TRIM35: variants seen among roughly 807,000 people sequenced by gnomAD.
The protein encoded by TRIM35 is E3 ubiquitin-protein ligase TRIM35.
A neutral mutation model predicts 49.1 loss-of-function variants in TRIM35; 37 were observed. The observed-to-expected ratio is 0.75, with a 90% confidence interval of 0.58 to 0.99. The LOEUF is 0.99. TRIM35 is among the 50% of genes least tolerant of loss of function. The probability of loss-of-function intolerance (pLI) is 0.00; values close to 1 mark genes in which losing one functional copy is unlikely to be tolerated. For synonymous variants in TRIM35, 302 were observed against 289.3 expected (o/e 1.04, Z -0.45); for missense variants, 648 against 702.7 (o/e 0.92, Z 0.88).
chr8:27,291,092 T>G (rs1802443842), intron 3 of TRIM35, among the ~76,000 whole-genome samples: 1 of 136,232 alleles, frequency 7.3e-6, no homozygotes, highest in African/African-American at 2.8e-5. Flanking sequence ...GAAGTTGGAC[T>G]AACCCTTACT....
chr8:27,300,937 C>A (rs986813395), intron 1 of TRIM35, among the ~76,000 whole-genome samples: 8 of 152,144 alleles, frequency 5.3e-5, no homozygotes, highest in Admixed American at 2.6e-4. Flanking sequence ...GGTGTGCAGG[C>A]CCCAAAACAA....
In TRIM35 at chr8:27,287,747, G is replaced by A. The variant is rs1362379210; in HGVS notation, c.1285C>T (p.Arg429Cys). ...PLVLAIPRRL[R>C]VELECEEGEL... is the part of the protein sequence containing the mutation. ...CCCTCCTCACACTCCAGCTCCACAC[G>A]CAGGCGGCGTGGGATGGCCAGGACC... The change falls in exon 6 of 6, where the codon CGT (arginine) becomes TGT (cysteine). Residue 429 changes from arginine to cysteine, a missense_variant. Physicochemically the swap from Arg to Cys is radical, Grantham distance 180 (BLOSUM62 -3). Transcript: ENST00000305364. The surrounding 1 kb of genome is among the most constrained non-coding windows in gnomAD (Gnocchi z 6.0). The A allele has an allele frequency of 5.0e-6, 8 of 1,609,928 alleles. No homozygotes were observed. Among genetic ancestry groups the A allele is most frequent in the Non-Finnish European group, 5.9e-6 (7 of 1,178,590 alleles).
At chr8:27,302,511 C>T (rs1264795847) in intron 1 of TRIM35, among the ~76,000 whole-genome samples, 3 of 152,110 alleles carry the variant, frequency 2.0e-5, no homozygotes, top group African/African-American at 7.2e-5. Flanking sequence ...TCAAGTGATC[C>T]TCCCACCACC....
chr8:27,309,230 T>G (rs1407957289), intron 1 of TRIM35, among the ~76,000 whole-genome samples: 1 of 152,186 alleles, frequency 6.6e-6, no homozygotes, highest in Non-Finnish European at 1.5e-5. Context: ...CAAATAGGCA[T>G]CAGTCATGAC....
At chr8:27,303,727 C>G (rs936206958) in intron 1 of TRIM35, among the ~76,000 whole-genome samples, 1 of 152,154 alleles carries the variant, frequency 6.6e-6, no homozygotes, top group African/African-American at 2.4e-5. Flanking sequence ...GAGTCTCATT[C>G]TTCTTGTCCA....
At chr8:27,308,940 T>C (rs1302860334) in intron 1 of TRIM35, among the ~76,000 whole-genome samples, 2 of 152,228 alleles carry the variant, frequency 1.3e-5, no homozygotes, top group Non-Finnish European at 2.9e-5. Flanking sequence ...AAAGTCAGGC[T>C]TTCCCACTTC....
Position 27,288,004 on chromosome 8 carries a change from G to C in TRIM35, c.1028C>G (p.Pro343Arg). 1.2e-6 allele frequency: 2 copies of C among 1,613,620 alleles called. No individual in the cohort carries two copies. Among genetic ancestry groups the C allele is most frequent in the Non-Finnish European group, 1.7e-6 (2 of 1,180,018 alleles). Residue 343 changes from proline to arginine, a missense_variant, in exon 6 of 6, where the codon CCC becomes CGC. Physicochemically the swap from Pro to Arg is moderately radical, Grantham distance 103. Transcript: ENST00000305364. ...GAAGACACGGGAGCCCAGCAGGCAG[G>C]GCGCCGAGGAGAAGCGTTCCGGGTT... ...VENPERFSSA[P>R]CLLGSRVFSQ... is the part of the protein sequence containing the mutation.
intron 1 of TRIM35, among the ~76,000 whole-genome samples, chr8:27,310,149 C>T (rs958106981): frequency 1.1e-4 from 16 of 152,154 alleles, no homozygotes; most frequent in African/African-American, 3.6e-4. Flanking sequence ...GTTAGGCTAA[C>T]CCTTATCTTC....
At chr8:27,306,786 A>C (rs1802795310) in intron 1 of TRIM35, among the ~76,000 whole-genome samples, 1 of 152,238 alleles carries the variant, frequency 6.6e-6, no homozygotes, top group African/African-American at 2.4e-5. Context: ...CTTCAGAGAA[A>C]TTTGGGCGGA....
intron 1 of TRIM35, among the ~76,000 whole-genome samples, chr8:27,305,382 G>A (rs906776523): frequency 6.6e-5 from 10 of 152,226 alleles, no homozygotes; most frequent in Non-Finnish European, 1.5e-4. Flanking sequence ...TCACTCAGGA[G>A]CCTCAGTGTG....
At chr8:27,301,832 C>T (rs1049585727) in intron 1 of TRIM35, among the ~76,000 whole-genome samples, 2 of 152,188 alleles carry the variant, frequency 1.3e-5, no homozygotes, top group Admixed American at 1.3e-4. Context: ...AGCTTTATAG[C>T]TTTCCTTTCA....
Position 27,302,988 on chromosome 8 carries a change from G to A in TRIM35, c.436-4429C>T, listed in dbSNP as rs188301306. On this transcript the variant is annotated intron_variant, in intron 1 of 5. Coordinates refer to ENST00000305364, the MANE Select transcript of TRIM35 (RefSeq NM_171982.5). ...AACTGAATAGAGTTGGTCATAATGC[G>A]CATTCCTGTCTTTTTCTTGATCTCA... Among the ~76,000 whole-genome samples, 181 of 152,206 alleles carry A rather than the reference G, an allele frequency of 1.2e-3. 1 individual carries two copies. Among genetic ancestry groups the A allele is most frequent in the Non-Finnish European group, 4.1e-4 (28 of 68,018 alleles).
chr8:27,295,140 A>G (rs1802539907), intron 2 of TRIM35, among the ~76,000 whole-genome samples: 1 of 152,206 alleles, frequency 6.6e-6, no homozygotes. Context: ...AAAGTTTTTT[A>G]AAAGGGAAGA....
intron 3 of TRIM35, among the ~76,000 whole-genome samples, chr8:27,291,299 G>GAAAA (rs1802448998): frequency 6.6e-6 from 1 of 152,156 alleles, no homozygotes; most frequent in South Asian, 2.1e-4. Context: ...AAAAGCCCAT[G>GAAAA]AAAAGATGTT....
chr8:27,304,699 T>A (rs1586054706), intron 1 of TRIM35: 1 of 388,122 alleles, frequency 2.6e-6, no homozygotes, highest in East Asian at 7.4e-5. Flanking sequence ...AAGTAGATGT[T>A]CAGTTAACCA....
chr8:27,288,097 G>C lies in TRIM35; in HGVS notation c.935C>G (p.Ala312Gly). 6.2e-7 allele frequency: 1 copy of C among 1,609,934 alleles called. No homozygotes were observed. Among genetic ancestry groups the C allele is most frequent in the Non-Finnish European group, 8.5e-7 (1 of 1,179,894 alleles). Reference sequence around the variant, plus strand: ...GTCGTCAGACACGGAGAGCCAGCCAGCTGCGGTGTTGGGGTCAAAGCTGAA... The same window carrying C: ...GTCGTCAGACACGGAGAGCCAGCCACCTGCGGTGTTGGGGTCAAAGCTGAA... The part of the protein sequence containing the change: ...VPFSFDPNTA[A>G]GWLSVSDDLT... The change falls in exon 6 of 6, where the codon GCT becomes GGT. Residue 312 changes from alanine to glycine, a missense_variant. Coordinates refer to ENST00000305364, the MANE Select transcript of TRIM35 (RefSeq NM_171982.5).
chr8:27,310,967 G>A lies in TRIM35; in HGVS notation c.269C>T (p.Ala90Val), dbSNP rs377318623. ...CGAGAAGCGGTAGCTGGTCCAGCGCGCGCCCTCGGCCTCCTCGCGCAGCAG... is the reference window on the plus strand; with the variant it reads ...CGAGAAGCGGTAGCTGGTCCAGCGCACGCCCTCGGCCTCCTCGCGCAGCAG... ...EKLLREEAEGARWTSYRFSRV... is the reference protein window; with the variant it reads ...EKLLREEAEGVRWTSYRFSRV... The change falls in exon 1 of 6, where the codon GCG becomes GTG. Residue 90 changes from alanine (A) to valine (V), a missense_variant. Physicochemically the swap from Ala to Val is moderately conservative, Grantham distance 64. Coordinates refer to ENST00000305364, the MANE Select transcript of TRIM35 (RefSeq NM_171982.5). 28 of 1,612,156 alleles carry A rather than the reference G, an allele frequency of 1.7e-5. No homozygotes were observed. Among genetic ancestry groups the A allele is most frequent in the Admixed American group, 1.0e-4 (6 of 59,894 alleles).
chr8:27,289,407 T>TC, intron 4 of TRIM35, 127 bp from the exon 5 acceptor site: 1 of 728,802 alleles, frequency 1.4e-6, no homozygotes, highest in Non-Finnish European at 2.4e-6. Flanking sequence ...GGCCACCTTC[T>TC]CCAAGACAAG....
intron 1 of TRIM35, among the ~76,000 whole-genome samples, chr8:27,303,387 C>T (rs1317234370): frequency 1.3e-5 from 2 of 152,062 alleles, no homozygotes; most frequent in Non-Finnish European, 2.9e-5. Context: ...CCATTTTCCC[C>T]TTCTGTGCAT....
Sources: allele counts gnomAD v4.1 joint callset (sites outside exome capture counted in the v4.1 genomes callset), GRCh38; gene constraint gnomAD v4.1.1; non-coding constraint Gnocchi (gnomAD v3.1); transcripts MANE v1.5; gene names NCBI Gene and HGNC (gene_info 2026-07-23, HGNC 2026-07-21).